The following CNTNAP5 variants were observed in gnomAD, a reference collection of about 807,000 sequenced individuals.
The protein encoded by CNTNAP5 is contactin-associated protein-like 5.
A neutral mutation model predicts 150.2 loss-of-function variants in CNTNAP5; 72 were observed. That is an observed-to-expected ratio of 0.48 (90% CI 0.40 to 0.58). CNTNAP5 has a LOEUF of 0.58. CNTNAP5 is among the 20% of genes least tolerant of loss of function. The pLI is 0.00. For synonymous variants in CNTNAP5, 672 were observed against 619.8 expected, an observed-to-expected ratio of 1.08 and a Z score of -1.25; for missense variants, 1,636 against 1,626.2, an observed-to-expected ratio of 1.01 and a Z score of -0.10.
At chr2:124,860,909 G>A (rs1573668957) in intron 19 of CNTNAP5, among the ~76,000 whole-genome samples, 2 of 152,072 alleles carry the variant, frequency 1.3e-5, no homozygotes, top group East Asian at 3.9e-4. Flanking sequence ...GTGGCCCTTG[G>A]GAAACTCATG....
intron 13 of CNTNAP5, among the ~76,000 whole-genome samples, chr2:124,679,101 T>C (rs768031721): frequency 2.1e-4 from 32 of 151,542 alleles, no homozygotes; most frequent in Admixed American, 2.0e-4. Flanking sequence ...ATGGCCAGAG[T>C]CAAAGTCACA....
intron 3 of CNTNAP5, among the ~76,000 whole-genome samples, chr2:124,398,937 A>G (rs1385974731): frequency 6.6e-6 from 1 of 152,112 alleles, no homozygotes. Context: ...TATACCAGGT[A>G]TTTCCTTGGG....
rs182941095 is a variant in CNTNAP5 at position 124,636,469 on chromosome 2, C to T, written c.1877-11289C>T. ...GTAACTTTTTTTGTGTGCATAACAC[C>T]TGACACAATGAAAGCACTCATGAAA... is the stretch of plus-strand genomic sequence containing the variant. On this transcript the variant is annotated intron_variant, in intron 12 of 23. Coordinates refer to ENST00000682447, the MANE Select transcript of CNTNAP5 (RefSeq NM_001367498.1). Among the ~76,000 whole-genome samples, 5 of 152,132 alleles carry T rather than the reference C, an allele frequency of 3.3e-5. No homozygotes were observed. In the East Asian group the frequency reaches 9.7e-4, roughly 29 times the overall value.
intron 10 of CNTNAP5, among the ~76,000 whole-genome samples, chr2:124,528,639 A>T (rs1047838445): frequency 1.3e-5 from 2 of 152,182 alleles, no homozygotes; most frequent in African/African-American, 4.8e-5. Context: ...CTCAGTAGGG[A>T]TGGTAGGCCA....
chr2:124,674,804 T>G (rs1020941881), intron 13 of CNTNAP5, among the ~76,000 whole-genome samples: 1 of 151,948 alleles, frequency 6.6e-6, no homozygotes, highest in Non-Finnish European at 1.5e-5. Flanking sequence ...AAGTTTAAAT[T>G]GTTGATTTTT....
At chr2:124,176,169 G>A (rs1158641383) in intron 1 of CNTNAP5, among the ~76,000 whole-genome samples, 1 of 152,152 alleles carries the variant, frequency 6.6e-6, no homozygotes, top group African/African-American at 2.4e-5. Flanking sequence ...GTCTAAAGAA[G>A]TGATGGCACA....
chr2:124,905,038 C>CAAAAAAAAAAA (rs55882801), intron 22 of CNTNAP5, among the ~76,000 whole-genome samples: 1 of 50,744 alleles, frequency 2.0e-5, no homozygotes, highest in African/African-American at 7.5e-5. Context: ...AACTCAATAG[C>CAAAAAAAAAAA]AAAAAAAAAA....
chr2:124,705,497 C>T (rs542126297), intron 13 of CNTNAP5, among the ~76,000 whole-genome samples: 21 of 152,122 alleles, frequency 1.4e-4, no homozygotes, highest in African/African-American at 4.1e-4. Flanking sequence ...CACTGCACTA[C>T]AGCCTGAGTG....
At chr2:124,784,301 C>T (rs1573614620) in intron 17 of CNTNAP5, among the ~76,000 whole-genome samples, 2 of 152,136 alleles carry the variant, frequency 1.3e-5, no homozygotes, top group African/African-American at 4.8e-5. Flanking sequence ...CAGGAAAGAG[C>T]AGATACACAT....
chr2:124,911,791 AG>A (rs1678661741), intron 23 of CNTNAP5, among the ~76,000 whole-genome samples: 1 of 152,114 alleles, frequency 6.6e-6, no homozygotes, highest in African/African-American at 2.4e-5. Flanking sequence ...CAACAGCTGG[AG>A]CATTTACTTA....
intron 3 of CNTNAP5, among the ~76,000 whole-genome samples, chr2:124,411,002 A>G (rs1691743393): frequency 6.6e-6 from 1 of 152,196 alleles, no homozygotes; most frequent in South Asian, 2.1e-4. Flanking sequence ...TAAAGAAAAA[A>G]AGAGAGAAGA....
chr2:124,282,225 G>C (rs780055), intron 3 of CNTNAP5, among the ~76,000 whole-genome samples: 1 of 151,978 alleles, frequency 6.6e-6, no homozygotes, highest in Non-Finnish European at 1.5e-5. Flanking sequence ...GTATACTAAC[G>C]GTGCACCTTG....
chr2:124,846,568 T>C (rs1168022110), intron 19 of CNTNAP5, among the ~76,000 whole-genome samples: 1 of 152,220 alleles, frequency 6.6e-6, no homozygotes, highest in Non-Finnish European at 1.5e-5. Flanking sequence ...GTTCTTTTTG[T>C]GGCAATTCAG....
chr2:124,437,609 A>G (rs903026989), intron 5 of CNTNAP5, among the ~76,000 whole-genome samples: 16 of 152,168 alleles, frequency 1.1e-4, no homozygotes, highest in African/African-American at 3.9e-4. Context: ...ACATTTTAGT[A>G]TCTTTTAAGT....
intron 3 of CNTNAP5, among the ~76,000 whole-genome samples, chr2:124,330,483 C>T (rs1689323604): frequency 6.6e-6 from 1 of 152,094 alleles, no homozygotes; most frequent in Admixed American, 6.6e-5. Flanking sequence ...GTGGTTTCCC[C>T]ATGCTGTTCT....
In CNTNAP5 at chr2:124,834,791, G is replaced by GTATATATA. The variant is rs35344366; in HGVS notation, c.3218-30504_3218-30497dup. ...AAAGATACCTTTAAAATATTTCACA[G>GTATATATA]TATATATATATATATATACTTATCA... On this transcript the variant is annotated intron_variant, in intron 19 of 23. Transcript: ENST00000682447. Among the ~76,000 whole-genome samples, 56 of 147,478 alleles carry GTATATATA rather than the reference G, an allele frequency of 3.8e-4. 1 individual carries two copies. The highest frequency in any genetic ancestry group is 4.3e-4 in the Non-Finnish European group (29 of 66,918).
At chr2:124,063,595 G>A (rs538728323) in intron 1 of CNTNAP5, among the ~76,000 whole-genome samples, 1 of 152,102 alleles carries the variant, frequency 6.6e-6, no homozygotes, top group Non-Finnish European at 1.5e-5. Flanking sequence ...CATCCAGGAC[G>A]CAACACGTAT....
intron 23 of CNTNAP5, among the ~76,000 whole-genome samples, chr2:124,912,425 A>G (rs567601121): frequency 9.2e-5 from 14 of 152,192 alleles, no homozygotes; most frequent in Admixed American, 7.2e-4. Flanking sequence ...TGAATGAGCC[A>G]GCGAGGAGAT....
At chr2:124,216,834 G>A (rs1025335987) in intron 1 of CNTNAP5, among the ~76,000 whole-genome samples, 1 of 152,108 alleles carries the variant, frequency 6.6e-6, no homozygotes, top group Admixed American at 6.5e-5. Flanking sequence ...ATTGTGAATA[G>A]TGCCTCAATA....
Sources: allele counts gnomAD v4.1 joint callset (sites outside exome capture counted in the v4.1 genomes callset), GRCh38; gene constraint gnomAD v4.1.1; transcripts MANE v1.5; gene names NCBI Gene and HGNC (gene_info 2026-07-23, HGNC 2026-07-21).